Variants in ZNF704 observed in about 807,000 individuals in gnomAD.
The protein encoded by ZNF704 is zinc finger protein 704.
A neutral mutation model predicts 44.7 loss-of-function variants in ZNF704; 10 were observed. The observed-to-expected ratio is 0.22, with a 90% confidence interval of 0.14 to 0.38. ZNF704 has a LOEUF of 0.38. ZNF704 is among the 10% of genes least tolerant of loss of function. The pLI is 1.00. For synonymous variants in ZNF704, 211 were observed against 207.6 expected (o/e 1.02, Z -0.14); for missense variants, 390 against 545.5 (o/e 0.71, Z 2.84).
chr8:80,666,600 G>C (rs200174072), intron 5 of ZNF704, among the ~76,000 whole-genome samples: 3 of 151,632 alleles, frequency 2.0e-5, no homozygotes, highest in African/African-American at 7.3e-5. Context: ...AAGTGTTCCT[G>C]TTTCTCCACA....
intron 7 of ZNF704, 74 bp from the exon 8 acceptor site, chr8:80,643,203 G>A (rs569958702): frequency 1.8e-6 from 2 of 1,090,010 alleles, no homozygotes; most frequent in East Asian, 5.4e-5. Context: ...TTTGCTGTGT[G>A]GACACTGATC....
chr8:80,779,481 C>CT (rs1326539857), intron 2 of ZNF704, among the ~76,000 whole-genome samples: 1 of 151,306 alleles, frequency 6.6e-6, no homozygotes, highest in East Asian at 2.0e-4. Flanking sequence ...AGATGAGGCT[C>CT]ATCTTATTGG....
chr8:80,795,034 T>C (rs1586032644), intron 2 of ZNF704, among the ~76,000 whole-genome samples: 1 of 152,270 alleles, frequency 6.6e-6, no homozygotes, highest in East Asian at 1.9e-4. Flanking sequence ...GTTCAAACCA[T>C]GAGATGAGCG....
intron 2 of ZNF704, among the ~76,000 whole-genome samples, chr8:80,803,391 A>G (rs942439647): frequency 1.2e-4 from 19 of 152,204 alleles, no homozygotes; most frequent in African/African-American, 4.3e-4. Flanking sequence ...TCCTAAGTAA[A>G]ATGAACAAAG....
At chr8:80,663,624 C>G (rs968487976) in intron 6 of ZNF704, among the ~76,000 whole-genome samples, 1 of 152,182 alleles carries the variant, frequency 6.6e-6, no homozygotes, top group Admixed American at 6.5e-5. Context: ...TTGAGAACGA[C>G]TACTCTAATC....
chr8:80,732,509 ACTCAAGCAGCCCTCTGGAGAAG>A (rs1180081230), intron 2 of ZNF704, among the ~76,000 whole-genome samples: 18 of 152,218 alleles, frequency 1.2e-4, no homozygotes, highest in African/African-American at 4.1e-4. Context: ...TCATAAGGAC[ACTCAAGCAGCCCTCTGGAGAAG>A]CCCTCATCAA....
chr8:80,873,890 G>A (rs1028495825), intron 1 of ZNF704, among the ~76,000 whole-genome samples: 1 of 145,568 alleles, frequency 6.9e-6, no homozygotes, highest in South Asian at 2.1e-4. Flanking sequence ...CCAGCTCTCC[G>A]GGGCGGGCGC....
At chr8:80,722,510 T>C (rs954690720) in intron 2 of ZNF704, among the ~76,000 whole-genome samples, 2 of 152,162 alleles carry the variant, frequency 1.3e-5, no homozygotes, top group Admixed American at 1.3e-4. Context: ...ATATAGAAAA[T>C]ATTTAGTTGT....
intron 5 of ZNF704, among the ~76,000 whole-genome samples, chr8:80,666,709 T>C (rs1250488982): frequency 6.6e-6 from 1 of 151,752 alleles, no homozygotes; most frequent in East Asian, 1.9e-4. Flanking sequence ...ATTTCTCTGA[T>C]GGCCAGTGAT....
chr8:80,775,251 A>C (rs1338220175), intron 2 of ZNF704, among the ~76,000 whole-genome samples: 1 of 152,244 alleles, frequency 6.6e-6, no homozygotes, highest in Non-Finnish European at 1.5e-5. Context: ...GATCAACTGC[A>C]AGGAATTTGC....
chr8:80,791,443 T>C (rs112583279), intron 2 of ZNF704, among the ~76,000 whole-genome samples: 8,051 of 152,204 alleles, frequency 0.053, 688 homozygotes, highest in African/African-American at 0.18. Context: ...ATCAGACCAG[T>C]GGGCAGTCCC....
At chr8:80,764,291 C>CAA (rs1807189838) in intron 2 of ZNF704, among the ~76,000 whole-genome samples, 1 of 152,184 alleles carries the variant, frequency 6.6e-6, no homozygotes, top group Non-Finnish European at 1.5e-5. Context: ...CACAGTTCCA[C>CAA]ATGGCTGAGG....
chr8:80,803,105 AT>A (rs1807929453), intron 2 of ZNF704, among the ~76,000 whole-genome samples: 1 of 152,222 alleles, frequency 6.6e-6, no homozygotes, highest in South Asian at 2.1e-4. Flanking sequence ...CTACAAAAAA[AT>A]AAAATACCTA....
In ZNF704 at chr8:80,774,052, T is replaced by C. The variant is rs996623019; in HGVS notation, c.221+47322A>G. Among the ~76,000 whole-genome samples, 9 of 90,860 alleles carry C rather than the reference T, an allele frequency of 9.9e-5. No homozygotes were observed. In the East Asian group the frequency reaches 1.6e-3, roughly 16 times the overall value. The allele number at this position is 90,860 out of a possible 152,430, so 59.6% of individuals were successfully genotyped here. A position where few individuals can be genotyped will look rare whatever the true frequency, so the allele number is the denominator to read the frequency against. The stretch of plus-strand genomic sequence containing the variant: ...ATTCTGAATGTTATTTAAATCTTCT[T>C]TTTTTTTTTTTTGGATACAGGGTCT... On this transcript the variant is annotated intron_variant, in intron 2 of 8. Transcript: ENST00000327835.
At chr8:80,804,747 A>G (rs936525184) in intron 2 of ZNF704, among the ~76,000 whole-genome samples, 4 of 152,126 alleles carry the variant, frequency 2.6e-5, no homozygotes, top group Non-Finnish European at 5.9e-5. Flanking sequence ...TATCTAGGTG[A>G]TGGTATGATC....
chr8:80,811,837 G>T (rs1171316645), intron 2 of ZNF704, among the ~76,000 whole-genome samples: 1 of 152,208 alleles, frequency 6.6e-6, no homozygotes, highest in Non-Finnish European at 1.5e-5. Flanking sequence ...AGCAGAAGGT[G>T]AGCTGCAGTG....
At chr8:80,842,799 G>A (rs1307397344) in intron 1 of ZNF704, among the ~76,000 whole-genome samples, 1 of 152,224 alleles carries the variant, frequency 6.6e-6, no homozygotes. Context: ...CACAGTGGAA[G>A]ATGGATGAGA....
intron 2 of ZNF704, among the ~76,000 whole-genome samples, chr8:80,787,926 G>A (rs986440142): frequency 6.6e-6 from 1 of 152,136 alleles, no homozygotes; most frequent in Non-Finnish European, 1.5e-5. Context: ...ACTCCAATGA[G>A]AGGAGGAAAC....
At chr8:80,651,894 C>CA (rs1171161746) in intron 7 of ZNF704, among the ~76,000 whole-genome samples, 1 of 152,052 alleles carries the variant, frequency 6.6e-6, no homozygotes, top group African/African-American at 2.4e-5. Flanking sequence ...ACACCTATTC[C>CA]AAAATTGACC....
Sources: allele counts gnomAD v4.1 joint callset (sites outside exome capture counted in the v4.1 genomes callset), GRCh38; gene constraint gnomAD v4.1.1; transcripts MANE v1.5; gene names NCBI Gene and HGNC (gene_info 2026-07-23, HGNC 2026-07-21).